Variants in KIF13A observed in about 807,000 individuals in gnomAD.
KIF13A encodes kinesin-like protein KIF13A.
In KIF13A, 79 loss-of-function variants were observed where a neutral mutation model predicts 212.2. That is an observed-to-expected ratio of 0.37 (90% CI 0.31 to 0.45). The LOEUF is 0.45. KIF13A is among the 20% of genes least tolerant of loss of function. KIF13A has a pLI of 1.00. For missense variants in KIF13A, 1,901 were observed against 2,209.0 expected (o/e 0.86, Z 2.79); for synonymous variants, 789 against 808.6 (o/e 0.98, Z 0.41).
chr6:17,759,201 G>C (rs1758482017), downstream of KIF13A: 1 of 152,100 alleles, frequency 6.6e-6, no homozygotes, highest in African/African-American at 2.4e-5. Context: ...TGGTAAGTTA[G>C]ATTTGAAACT....
chr6:17,800,772 T>C, intron 20 of KIF13A, among the ~76,000 whole-genome samples: 1 of 152,046 alleles, frequency 6.6e-6, no homozygotes, highest in Non-Finnish European at 1.5e-5. Flanking sequence ...AGCTAATTTT[T>C]GTATTTTTAG....
At chr6:17,808,419 C>T (rs1380446739) in intron 18 of KIF13A, among the ~76,000 whole-genome samples, 1 of 122,544 alleles carries the variant, frequency 8.2e-6, no homozygotes, top group Non-Finnish European at 1.9e-5. Context: ...ACAAAACCCT[C>T]AGGTACTACA....
At chr6:17,953,874 C>A in intron 2 of KIF13A, 1 of 193,984 alleles carries the variant, frequency 5.2e-6, no homozygotes, top group East Asian at 1.2e-4. Context: ...TGCAGTTGTG[C>A]TGTAGGACTA....
rs1257040222 is a variant in KIF13A at position 17,926,171 on chromosome 6, A to G, written c.147-27991T>C. Among the ~76,000 whole-genome samples, 1 of 152,216 alleles carries G rather than the reference A, an allele frequency of 6.6e-6. No individual in the cohort carries two copies. Among genetic ancestry groups the G allele is most frequent in the Non-Finnish European group, 1.5e-5 (1 of 68,040 alleles). On this transcript the variant is annotated intron_variant, in intron 2 of 38. Transcript: ENST00000259711. The surrounding 1 kb of genome is among the most constrained non-coding windows in gnomAD (Gnocchi z 4.3). ...TTGCTTATCTTGTATTAATATATAG[A>G]GTGACCAACATTCAGTTCTTGTAAA...
At chr6:17,954,693 G>T (rs954096086) in intron 2 of KIF13A, among the ~76,000 whole-genome samples, 1 of 152,018 alleles carries the variant, frequency 6.6e-6, no homozygotes, top group South Asian at 2.1e-4. Flanking sequence ...TGTTGTTAGA[G>T]ACAGGATCTC....
At chr6:17,940,817 ATTTTTTTTTT>A (rs11325656) in intron 2 of KIF13A, among the ~76,000 whole-genome samples, 1 of 140,588 alleles carries the variant, frequency 7.1e-6, no homozygotes, top group African/African-American at 2.7e-5. Flanking sequence ...ATGTAAATTT[ATTTTTTTTTT>A]TTTTTTTTTT....
intron 9 of KIF13A, among the ~76,000 whole-genome samples, chr6:17,841,537 G>A (rs1401855754): frequency 6.6e-6 from 1 of 152,114 alleles, no homozygotes; most frequent in Non-Finnish European, 1.5e-5. Context: ...CCCTACATCA[G>A]TATAGCATGT....
rs1394648549 is a variant in KIF13A, at chr6:17,773,437, A to G, written c.4324+41T>C. On this transcript the variant is annotated intron_variant, in intron 36 of 38. Transcript: ENST00000259711. The surrounding 1 kb of genome is among the most constrained non-coding windows in gnomAD (Gnocchi z 4.2). Reference sequence around the variant, plus strand: ...ACATTTTTTCATACTTTTTCTAAGTAATTACAAAGAAATATCACTGCAAAA... The same window carrying G: ...ACATTTTTTCATACTTTTTCTAAGTGATTACAAAGAAATATCACTGCAAAA... 2.6e-6 allele frequency: 3 copies of G among 1,141,668 alleles called. No homozygotes were observed. In the South Asian group the frequency reaches 3.9e-5, roughly 15 times the overall value. 70.7% of individuals were successfully genotyped at this position (1,141,668 alleles called of 1,614,324 possible).
chr6:17,779,729 T>A, intron 31 of KIF13A, 45 bp from the exon 32 acceptor site: 1 of 758,402 alleles, frequency 1.3e-6, no homozygotes, highest in Non-Finnish European at 2.1e-6. Flanking sequence ...GTGACAAATG[T>A]AAGTTATTTT....
chr6:17,882,483 C>A (rs993200979), intron 3 of KIF13A, among the ~76,000 whole-genome samples: 1 of 152,032 alleles, frequency 6.6e-6, no homozygotes, highest in Non-Finnish European at 1.5e-5. Flanking sequence ...ACATATACAT[C>A]AGATTTTTGC....
chr6:17,983,621 C>T (rs1781297948), intron 2 of KIF13A, among the ~76,000 whole-genome samples: 1 of 151,952 alleles, frequency 6.6e-6, no homozygotes, highest in Admixed American at 6.6e-5. Context: ...GGCTCCTAGG[C>T]AACTGGGATT....
At chr6:17,877,904 G>A (rs1348377251) in intron 3 of KIF13A, among the ~76,000 whole-genome samples, 2 of 151,960 alleles carry the variant, frequency 1.3e-5, no homozygotes, top group African/African-American at 4.8e-5. Flanking sequence ...CTACAAATCA[G>A]GCCTAGTAGT....
chr6:17,794,931 G>A lies in KIF13A; in HGVS notation c.2943-227C>T, dbSNP rs1338607658. The stretch of plus-strand genomic sequence containing the variant: ...TGTCCACATCTTGAGTATAGAGCTC[G>A]ATGAGTTTTGAGAAATGCACATATG... On this transcript the variant is annotated intron_variant, in intron 23 of 38. Coordinates refer to ENST00000259711, the MANE Select transcript of KIF13A (RefSeq NM_022113.6). This position sits in a 1 kb window ranked among gnomAD's most constrained non-coding sequence, Gnocchi z 4.1. The A allele has an allele frequency of 4.2e-6, 2 of 478,280 alleles. No homozygotes were observed. The highest frequency in any genetic ancestry group is 7.3e-6 in the Non-Finnish European group (2 of 273,960). The allele number at this position is 478,280 out of a possible 1,614,324, so 29.6% of individuals were successfully genotyped here.
At position 17,804,432 on chromosome 6, in the gene KIF13A, C is replaced by T. The variant is rs774925806; in HGVS notation, c.2383G>A (p.Val795Ile). Reference sequence around the variant, plus strand: ...TCACAGAAGAGGCATTCCAAGAATACATTCGCCACCCCGATGAGGTTGTGA... The same window carrying T: ...TCACAGAAGAGGCATTCCAAGAATATATTCGCCACCCCGATGAGGTTGTGA... ...ENHNLIGVAN[V>I]FLECLFCDVK... Residue 795 changes from valine to isoleucine, a missense_variant, in exon 20 of 39, where the codon GTA becomes ATA. Physicochemically the swap from Val to Ile is conservative, Grantham distance 29. Transcript: ENST00000259711. 17 of 1,572,652 alleles carry T rather than the reference C, an allele frequency of 1.1e-5. No homozygotes were observed. The highest frequency in any genetic ancestry group is 1.2e-5 in the Non-Finnish European group (14 of 1,158,112).
intron 2 of KIF13A, among the ~76,000 whole-genome samples, chr6:17,979,731 A>G (rs1039872129): frequency 1.3e-5 from 2 of 152,096 alleles, no homozygotes; most frequent in South Asian, 2.1e-4. Context: ...TCCTCAGAGA[A>G]GATACCACAA....
Position 17,828,570 on chromosome 6 carries a change from T to G in KIF13A, c.1402-200A>C, listed in dbSNP as rs1765168631. On this transcript the variant is annotated intron_variant, in intron 13 of 38. Transcript: ENST00000259711. The surrounding 1 kb of genome is among the most constrained non-coding windows in gnomAD (Gnocchi z 4.3). ...AAATTAAAAAAAAATGTTTAAACAC[T>G]ACCAAAAAAAATCCCCAATCAACAA... 6.6e-6 allele frequency among the ~76,000 whole-genome samples: 1 copy of G among 152,142 alleles called. No individual in the cohort carries two copies. The highest frequency in any genetic ancestry group is 2.4e-5 in the African/African-American group (1 of 41,424).
chr6:17,830,952 A>G, intron 13 of KIF13A, 149 bp downstream of exon 13: 1 of 657,942 alleles, frequency 1.5e-6, no homozygotes, highest in South Asian at 2.1e-5. Flanking sequence ...TTTCCTTCTC[A>G]GTGGTGATCG....
chr6:17,862,873 G>A (rs569835562), intron 4 of KIF13A, among the ~76,000 whole-genome samples: 266 of 152,306 alleles, frequency 1.7e-3, no homozygotes, highest in African/African-American at 6.2e-3. Flanking sequence ...GCGTGAACCC[G>A]GGAGGTGGAT....
In KIF13A at chr6:17,764,138, G is replaced by A. The variant is rs938940904; in HGVS notation, c.5390C>T (p.Ala1797Val). The A allele has an allele frequency of 8.7e-6, 14 of 1,614,014 alleles. No homozygotes were observed. The highest frequency in any genetic ancestry group is 1.1e-5 in the Non-Finnish European group (13 of 1,179,872). Residue 1797 changes from alanine to valine, a missense_variant, in exon 39 of 39, where the codon GCA becomes GTA. This residue lies in a region of KIF13A where 687 missense variants were observed against 759.1 expected (regional missense o/e 0.90). Coordinates refer to ENST00000259711, the MANE Select transcript of KIF13A (RefSeq NM_022113.6). This position sits in a 1 kb window ranked among gnomAD's most constrained non-coding sequence, Gnocchi z 5.1. ...TTGACAGCACAGAACCCAAAAGGCT[G>A]CCTCTGGAATTATTACCTGGTCATT... ...LENDQVIIPE[A>V]AFWVLCCQ
Sources: allele counts gnomAD v4.1 joint callset (sites outside exome capture counted in the v4.1 genomes callset), GRCh38; gene constraint gnomAD v4.1.1; regional missense constraint gnomAD v4.1.1; non-coding constraint Gnocchi (gnomAD v3.1); transcripts MANE v1.5; gene names NCBI Gene and HGNC (gene_info 2026-07-23, HGNC 2026-07-21).